LSR: variants seen among roughly 807,000 people sequenced by gnomAD.
LSR encodes lipolysis stimulated lipoprotein receptor.
LSR carries 44 observed loss-of-function variants against 61.8 expected under a neutral mutation model. The ratio of observed to expected loss-of-function variants is 0.71; its 90% CI spans 0.56 to 0.91. The LOEUF (loss-of-function observed/expected upper bound fraction) is 0.91, where lower values mean the gene tolerates loss of function less well. Among genes scored for constraint, LSR ranks in the 40% least tolerant of loss-of-function variants. The pLI is 0.00. For synonymous variants in LSR, 397 were observed against 350.6 expected (o/e 1.13, Z -1.48); for missense variants, 911 against 830.5 (o/e 1.10, Z -1.19).
rs760417061 is a variant in LSR, at chr19:35,267,653, G to A, written c.1689G>A (p.Glu563=). 2.9e-5 allele frequency: 47 copies of A among 1,609,632 alleles called. No individual in the cohort carries two copies. The highest frequency in any genetic ancestry group is 1.2e-4 in the Admixed American group (7 of 59,022). The change falls in exon 9 of 10, where the codon GAG becomes GAA. Residue 563 remains glutamate (E), a synonymous_variant. Coordinates refer to ENST00000605618, the MANE Select transcript of LSR (RefSeq NM_205834.4). ...GGAGGAGACCCCACAAGGAGGAGGA[G>A]GAAGAGGCCTACTACCCGCCCGCGC... is the stretch of plus-strand genomic sequence containing the variant. ...EERRRPHKEE[E]EEAYYPPAPP...
intron 2 of LSR, 131 bp downstream of exon 2, chr19:35,250,790 C>G: frequency 5.4e-6 from 3 of 560,122 alleles, no homozygotes; most frequent in South Asian, 3.9e-5. Flanking sequence ...TTGAAGGGAG[C>G]AATTCTTTTT....
rs66540479 is a variant in LSR at position 35,256,729 on chromosome 19, TGAAAGAAAGAAA to T, written c.455-2211_455-2200del. Among the ~76,000 whole-genome samples the T allele has an allele frequency of 4.5e-4, 17 of 37,802 alleles. No homozygotes were observed. The East Asian group carries it at 4.7e-3, about 10-fold the overall frequency. 24.8% of individuals were successfully genotyped at this position (37,802 alleles called of 152,430 possible). A position where few individuals can be genotyped will look rare whatever the true frequency, so the allele number is the denominator to read the frequency against. ...ATGAATGAATGAATGAATGAATGAA[TGAAAGAAAGAAA>T]GAAATGTGTCTTTGAATCCAGCCAT... On this transcript the variant is annotated intron_variant, in intron 2 of 9. Transcript: ENST00000605618.
intron 3 of LSR, among the ~76,000 whole-genome samples, chr19:35,260,025 T>G (rs1219261123): frequency 1.3e-5 from 2 of 152,148 alleles, no homozygotes; most frequent in East Asian, 3.8e-4. Context: ...TCTTCACATG[T>G]GTGAATGAGC....
At chr19:35,259,253 GC>G in intron 3 of LSR, 189 bp downstream of exon 3, 1 of 596,490 alleles carries the variant, frequency 1.7e-6, no homozygotes, top group Non-Finnish European at 2.8e-6. Flanking sequence ...GGGACCACTG[GC>G]CCACAGTGCC....
rs143978527 is a variant in LSR at position 35,250,528 on chromosome 19, G to A, written c.323G>A (p.Gly108Glu). ...DNQLNAQLAAGNPGYNPYVEC... is the reference protein window; with the variant it reads ...DNQLNAQLAAENPGYNPYVEC... ...CAGCTCAATGCCCAGCTGGCAGCCGGGAACCCAGGCTACAACCCCTACGTT... is the reference window on the plus strand; with the variant it reads ...CAGCTCAATGCCCAGCTGGCAGCCGAGAACCCAGGCTACAACCCCTACGTT... Residue 108 changes from glycine to glutamate, a missense_variant, in exon 2 of 10, where the codon GGG (glycine) becomes GAG (glutamate). Coordinates refer to ENST00000605618, the MANE Select transcript of LSR (RefSeq NM_205834.4). 37 of 1,614,118 alleles carry A rather than the reference G, an allele frequency of 2.3e-5. No homozygotes were observed. In the African/African-American group the frequency reaches 4.1e-4, roughly 18 times the overall value.
Position 35,262,682 on chromosome 19 carries a change from C to T in LSR, c.768C>T (p.Cys256=). The T allele has an allele frequency of 6.2e-7, 1 of 1,613,630 alleles. No individual in the cohort carries two copies. ...RCPCCPDKCC[C]PEALYAAGKA... is the part of the protein sequence containing the mutation. Reference sequence around the variant, plus strand: ...CCTGCTGCCCAGACAAGTGCTGCTGCCCCGAGGCCCGTAAGTGTCCCGCTC... The same window carrying T: ...CCTGCTGCCCAGACAAGTGCTGCTGTCCCGAGGCCCGTAAGTGTCCCGCTC... Residue 256 remains cysteine, a synonymous_variant, in exon 5 of 10, where the codon TGC becomes TGT. Coordinates refer to ENST00000605618, the MANE Select transcript of LSR (RefSeq NM_205834.4).
intron 3 of LSR, 162 bp downstream of exon 3, chr19:35,259,226 G>A: frequency 1.2e-6 from 1 of 859,226 alleles, no homozygotes; most frequent in Non-Finnish European, 1.7e-6. Context: ...GCTCCCCTGT[G>A]CCCTGCACCC....
chr19:35,262,460 C>A, intron 4 of LSR, 86 bp from the exon 5 acceptor site: 1 of 1,482,548 alleles, frequency 6.7e-7, no homozygotes, highest in Non-Finnish European at 9.3e-7. Context: ...GACCTCAGTG[C>A]TGGCTCCGCA....
intron 3 of LSR, among the ~76,000 whole-genome samples, chr19:35,259,845 G>T (rs141725716): frequency 2.0e-5 from 3 of 152,346 alleles, no homozygotes; most frequent in African/African-American, 7.2e-5. Flanking sequence ...CAGCTGAAAC[G>T]AAGCCGATTC....
intron 5 of LSR, 56 bp from the exon 6 acceptor site, chr19:35,266,303 T>C: frequency 2.0e-6 from 3 of 1,466,952 alleles, no homozygotes; most frequent in Admixed American, 4.2e-5. Flanking sequence ...CCAATGGGTA[T>C]GGGGCAGCCT....
intron 3 of LSR, 170 bp downstream of exon 3, chr19:35,259,234 C>T: frequency 1.3e-6 from 1 of 779,830 alleles, no homozygotes; most frequent in South Asian, 2.0e-5. Context: ...GTGCCCTGCA[C>T]CCCAGGCAGG....
chr19:35,266,533 G>C lies in LSR; in HGVS notation c.952+1G>C, dbSNP rs879172684. On this transcript the variant is annotated splice_donor_variant, in intron 6 of 9. Coordinates refer to ENST00000605618, the MANE Select transcript of LSR (RefSeq NM_205834.4). LOFTEE classifies it high-confidence loss of function. ...GGAGACGTTGACAGGAGTAGCTCAG[G>C]TGAGGCCGGGGGAAGCAGGAACAGC... 6.2e-7 allele frequency: 1 copy of C among 1,600,864 alleles called. No homozygotes were observed. Among genetic ancestry groups the C allele is most frequent in the Non-Finnish European group, 8.5e-7 (1 of 1,171,578 alleles).
intron 2 of LSR, among the ~76,000 whole-genome samples, chr19:35,254,843 C>T (rs897924994): frequency 1.3e-5 from 2 of 152,128 alleles, no homozygotes; most frequent in South Asian, 2.1e-4. Flanking sequence ...CAAAAGAAGC[C>T]GGAAAACTAT....
In LSR at chr19:35,267,493, A is replaced by G; in HGVS notation, c.1529A>G (p.Glu510Gly). The G allele has an allele frequency of 6.2e-7, 1 of 1,610,662 alleles. No homozygotes were observed. The highest frequency in any genetic ancestry group is 1.3e-5 in the African/African-American group (1 of 74,946). ...CACTACGACGACTTCAGGTCTCGGG[A>G]GCGCCCTCCTGCCGACCCCAGGTCC... is the stretch of plus-strand genomic sequence containing the variant. ...DPHYDDFRSR[E>G]RPPADPRSHH... Residue 510 changes from glutamate (E) to glycine (G), a missense_variant, in exon 9 of 10, where the codon GAG (glutamate) becomes GGG (glycine). Transcript: ENST00000605618.
intron 2 of LSR, among the ~76,000 whole-genome samples, chr19:35,255,187 T>G (rs1439292923): frequency 1.3e-5 from 2 of 151,752 alleles, no homozygotes; most frequent in Non-Finnish European, 2.9e-5. Context: ...AAAAATAAAT[T>G]TAGCGGGGCA....
At chr19:35,262,038 G>A in intron 4 of LSR, 57 bp downstream of exon 4, 1 of 1,420,686 alleles carries the variant, frequency 7.0e-7, no homozygotes. Flanking sequence ...ATCACCTACT[G>A]CTTCTGACTC....
chr19:35,254,205 C>T (rs545183325), intron 2 of LSR, among the ~76,000 whole-genome samples: 3 of 152,216 alleles, frequency 2.0e-5, no homozygotes, highest in Admixed American at 1.3e-4. Flanking sequence ...GTGATTCTCC[C>T]GCCTCAGCCT....
At chr19:35,257,662 G>A (rs2065872804) in intron 2 of LSR, among the ~76,000 whole-genome samples, 1 of 152,152 alleles carries the variant, frequency 6.6e-6, no homozygotes, top group East Asian at 1.9e-4. Context: ...GAAAGAGGCC[G>A]GGAAGCTGAG....
At position 35,249,011 on chromosome 19, in the gene LSR, C is replaced by G; in HGVS notation, c.-12C>G. 1 of 1,608,612 alleles carries G rather than the reference C, an allele frequency of 6.2e-7. No individual in the cohort carries two copies. The highest frequency in any genetic ancestry group is 8.5e-7 in the Non-Finnish European group (1 of 1,177,866). On this transcript the variant is annotated 5_prime_UTR_variant, in exon 1 of 10. Transcript: ENST00000605618. ...AAGGGACGCGCGGGCCAGACGCGCCCAGACGGCCGCGATGGCGCTGTTGGC... is the reference window on the plus strand; with the variant it reads ...AAGGGACGCGCGGGCCAGACGCGCCGAGACGGCCGCGATGGCGCTGTTGGC...
Sources: gnomAD v4.1 joint callset for allele counts (sites outside exome capture counted in the v4.1 genomes callset) on GRCh38, gnomAD v4.1.1 for gene constraint, MANE v1.5 for transcripts, NCBI Gene and HGNC (gene_info 2026-07-23, HGNC 2026-07-21) for gene names.